Variants in PABPC4L observed in about 807,000 individuals in gnomAD.
PABPC4L encodes polyadenylate-binding protein 4-like.
For synonymous variants in PABPC4L, 169 were observed against 164.1 expected, an observed-to-expected ratio of 1.03 and a Z score of -0.23; for missense variants, 452 against 451.4, an observed-to-expected ratio of 1.00 and a Z score of -0.01.
the PABPC4L span, among the ~76,000 whole-genome samples, chr4:134,182,925 A>G: frequency 1.3e-5 from 2 of 152,018 alleles, no homozygotes; most frequent in South Asian, 4.1e-4. Flanking sequence ...TATACCAGTG[A>G]AAATGAGTAT....
At chr4:134,124,303 G>A in the PABPC4L span, among the ~76,000 whole-genome samples, 2 of 152,012 alleles carry the variant, frequency 1.3e-5, no homozygotes, top group Non-Finnish European at 2.9e-5. Context: ...GCTATACTTG[G>A]AAGTCAGTTT....
the PABPC4L span, among the ~76,000 whole-genome samples, chr4:134,155,806 C>A: frequency 6.6e-6 from 1 of 151,890 alleles, no homozygotes; most frequent in African/African-American, 2.4e-5. Flanking sequence ...CACTAAAAGT[C>A]AAATGAGCTA....
At chr4:134,193,942 C>T (rs1325449071), downstream of PABPC4L, among the ~76,000 whole-genome samples, 1 of 151,838 alleles carries the variant, frequency 6.6e-6, no homozygotes, top group Non-Finnish European at 1.5e-5. Context: ...TTTGGAATTT[C>T]ATGCTTTTAT....
the PABPC4L span, among the ~76,000 whole-genome samples, chr4:134,188,737 G>C: frequency 6.6e-6 from 1 of 151,804 alleles, no homozygotes; most frequent in Admixed American, 6.6e-5. Flanking sequence ...CTTTATATTT[G>C]TCTTTATTTT....
the PABPC4L span, among the ~76,000 whole-genome samples, chr4:134,074,828 C>T: frequency 6.6e-6 from 1 of 152,134 alleles, no homozygotes; most frequent in African/African-American, 2.4e-5. Context: ...TGAGAACTCA[C>T]TCACTATCAT....
the PABPC4L span, among the ~76,000 whole-genome samples, chr4:134,124,829 C>A: frequency 2.0e-5 from 3 of 152,066 alleles, no homozygotes; most frequent in African/African-American, 7.2e-5. Context: ...GAGCACCAAG[C>A]CATCTCTTAG....
chr4:134,113,991 T>C, the PABPC4L span, among the ~76,000 whole-genome samples: 1 of 151,868 alleles, frequency 6.6e-6, no homozygotes, highest in Non-Finnish European at 1.5e-5. Flanking sequence ...CTGGGTGTTA[T>C]GATAAATTTT....
At chr4:134,024,923 ATTTTTTTTT>A in the PABPC4L span, among the ~76,000 whole-genome samples, 581 of 128,458 alleles carry the variant, frequency 4.5e-3, 1 homozygote, top group African/African-American at 0.01. Flanking sequence ...TAATTATGTA[ATTTTTTTTT>A]TTTTTTTTTT....
At chr4:134,101,731 T>C in the PABPC4L span, among the ~76,000 whole-genome samples, 1 of 151,392 alleles carries the variant, frequency 6.6e-6, no homozygotes, top group African/African-American at 2.4e-5. Context: ...TTTAGATTGA[T>C]TGGTGGAACT....
chr4:134,167,886 A>G, the PABPC4L span, among the ~76,000 whole-genome samples: 31,754 of 151,920 alleles, frequency 0.21, 4,125 homozygotes, highest in Non-Finnish European at 0.27. Context: ...TATCATCTAG[A>G]CAGAAAATAA....
rs768611823 is a variant in PABPC4L, at chr4:134,200,950, C to G, written c.70G>C (p.Asp24His). 3.9e-6 allele frequency: 6 copies of G among 1,556,726 alleles called. No individual in the cohort carries two copies. In the East Asian group the frequency reaches 1.4e-4, roughly 38 times the overall value. Residue 24 changes from aspartate to histidine, a missense_variant, in exon 2 of 2, where the codon GAC (aspartate) becomes CAC (histidine). Physicochemically the swap from Asp to His is moderately conservative, Grantham distance 81. Transcript: ENST00000421491. ...GTGCTGAACTTCCTGAACAGCAGGT[C>G]CTCGGTGACATCTGCATGTAAGTCA... ...VGDLHADVTE[D>H]LLFRKFSTVG...
At chr4:134,175,000 G>T in the PABPC4L span, among the ~76,000 whole-genome samples, 2 of 151,858 alleles carry the variant, frequency 1.3e-5, no homozygotes, top group Non-Finnish European at 2.9e-5. Context: ...TTATTTTATG[G>T]CCATGTGTTT....
At chr4:133,955,995 A>G in the PABPC4L span, among the ~76,000 whole-genome samples, 1 of 152,178 alleles carries the variant, frequency 6.6e-6, no homozygotes, top group African/African-American at 2.4e-5. Flanking sequence ...TGGCTTATCT[A>G]TTAAATTAAT....
chr4:134,134,845 C>T, the PABPC4L span, among the ~76,000 whole-genome samples: 1 of 151,688 alleles, frequency 6.6e-6, no homozygotes, highest in South Asian at 2.1e-4. Context: ...CTGCTGGAAA[C>T]TGGATTGAGA....
the PABPC4L span, among the ~76,000 whole-genome samples, chr4:133,999,874 C>G: frequency 2.0e-5 from 3 of 151,962 alleles, no homozygotes; most frequent in African/African-American, 7.2e-5. Flanking sequence ...TTTTAAAAAG[C>G]AAAGTTTTTA....
At chr4:134,028,657 A>T in the PABPC4L span, among the ~76,000 whole-genome samples, 1 of 152,090 alleles carries the variant, frequency 6.6e-6, no homozygotes, top group Non-Finnish European at 1.5e-5. Flanking sequence ...TCCCATGATA[A>T]ACTGTAAACT....
chr4:133,994,257 T>C, the PABPC4L span, among the ~76,000 whole-genome samples: 1 of 152,156 alleles, frequency 6.6e-6, no homozygotes, highest in Non-Finnish European at 1.5e-5. Flanking sequence ...AACTAATTCA[T>C]AGGCTCTTTG....
chr4:133,991,998 T>C, the PABPC4L span, among the ~76,000 whole-genome samples: 1 of 152,154 alleles, frequency 6.6e-6, no homozygotes, highest in African/African-American at 2.4e-5. Context: ...TAGTTGTTAC[T>C]GGAATTATGA....
the PABPC4L span, among the ~76,000 whole-genome samples, chr4:134,116,548 T>G: frequency 3.3e-5 from 5 of 151,918 alleles, no homozygotes; most frequent in Admixed American, 3.3e-4. Context: ...CCAACTGAAA[T>G]TTAAGTTTAT....
Sources: allele counts gnomAD v4.1 joint callset (sites outside exome capture counted in the v4.1 genomes callset), GRCh38; gene constraint gnomAD v4.1.1; transcripts MANE v1.5; gene names NCBI Gene and HGNC (gene_info 2026-07-23, HGNC 2026-07-21).